The following SPTBN2 variants were observed in gnomAD, a reference collection of about 807,000 sequenced individuals.
SPTBN2 encodes spectrin beta, non-erythrocytic 2.
In SPTBN2, 107 loss-of-function variants were observed where a neutral mutation model predicts 284.2. The observed-to-expected ratio is 0.38, with a 90% CI of 0.32 to 0.44. The LOEUF (loss-of-function observed/expected upper bound fraction) is 0.44, where lower values mean the gene tolerates loss of function less well. Among genes scored for constraint, SPTBN2 ranks in the 20% least tolerant of loss-of-function variants. The probability of loss-of-function intolerance (pLI) is 1.00; values close to 1 mark genes in which losing one functional copy is unlikely to be tolerated. For missense variants in SPTBN2, 2,569 were observed against 3,287.1 expected (o/e 0.78, Z 5.34); for synonymous variants, 1,289 against 1,354.8 (o/e 0.95, Z 1.07).
chr11:66,705,534 C>A lies in SPTBN2; in HGVS notation c.1808-66G>T, dbSNP rs1020350796. 9 of 1,608,848 alleles carry A rather than the reference C, an allele frequency of 5.6e-6. No homozygotes were observed. In the South Asian group the frequency reaches 8.8e-5, roughly 16 times the overall value. ...CCTCCGGCTGCTCCCTGCCACCACACTCTCTTGGACTTCCCTCCCTGGCTT... is the reference window on the plus strand; with the variant it reads ...CCTCCGGCTGCTCCCTGCCACCACAATCTCTTGGACTTCCCTCCCTGGCTT... On this transcript the variant is annotated intron_variant, in intron 14 of 37. Transcript: ENST00000533211.
Position 66,708,240 on chromosome 11 carries a change from G to A in SPTBN2, c.1251C>T (p.Leu417=), listed in dbSNP as rs764726747. 2.7e-5 allele frequency: 43 copies of A among 1,610,718 alleles called. No homozygotes were observed. In the Admixed American group the frequency reaches 3.5e-4, roughly 13 times the overall value. ...HERELALRTE[L]IRQEKLEQLA... ...GCTGCTCCAGCTTCTCCTGGCGGAT[G>A]AGCTCGGTGCGCAGGGCCAGCTCAC... Residue 417 remains leucine (L), a synonymous_variant, in exon 12 of 38, where the codon CTC becomes CTT. Transcript: ENST00000533211. This position sits in a 1 kb window ranked among gnomAD's most constrained non-coding sequence, Gnocchi z 4.4.
At position 66,707,900 on chromosome 11, in the gene SPTBN2, C is replaced by T; in HGVS notation, c.1351-82G>A. 6.5e-7 allele frequency: 1 copy of T among 1,542,662 alleles called. No individual in the cohort carries two copies. Among genetic ancestry groups the T allele is most frequent in the East Asian group, 2.3e-5 (1 of 44,256 alleles). On this transcript the variant is annotated intron_variant, in intron 12 of 37. Coordinates refer to ENST00000533211, the MANE Select transcript of SPTBN2 (RefSeq NM_006946.4). This position sits in a 1 kb window ranked among gnomAD's most constrained non-coding sequence, Gnocchi z 4.9. ...CTCCTCTGTCCTGCAGGGCACTTGG[C>T]CTGCAAGATCCCAGCTCCATGCGGT...
chr11:66,722,245 G>T (rs1418133048), intron 1 of SPTBN2, among the ~76,000 whole-genome samples: 1 of 152,052 alleles, frequency 6.6e-6, no homozygotes, highest in African/African-American at 2.4e-5. Flanking sequence ...AGGGCCCACT[G>T]TTGTCCCCAT....
intron 3 of SPTBN2, 69 bp downstream of exon 3, chr11:66,721,015 G>T: frequency 6.2e-7 from 1 of 1,602,474 alleles, no homozygotes; most frequent in Non-Finnish European, 8.5e-7. Flanking sequence ...TAAAGTTAAA[G>T]GGCTCTTCAT....
At chr11:66,735,454 A>G (rs983972677) in intron 1 of SPTBN2, among the ~76,000 whole-genome samples, 1 of 152,126 alleles carries the variant, frequency 6.6e-6, no homozygotes, top group Non-Finnish European at 1.5e-5. Flanking sequence ...TCACGCCTGT[A>G]GCCCTAGCAC....
chr11:66,688,374 G>A (rs929693496), intron 31 of SPTBN2, 63 bp from the exon 32 acceptor site: 2 of 1,547,148 alleles, frequency 1.3e-6, no homozygotes, highest in Non-Finnish European at 8.7e-7. Flanking sequence ...GGGAAACAGG[G>A]AGAGCTGAAA....
intron 16 of SPTBN2, 74 bp from the exon 17 acceptor site, chr11:66,701,356 C>A: frequency 6.4e-7 from 1 of 1,572,460 alleles, no homozygotes. Context: ...GCTTCTCTCT[C>A]TCTTGGTAGC....
At chr11:66,734,904 A>AAGCAGCAGCAGC (rs547474699) in intron 1 of SPTBN2, among the ~76,000 whole-genome samples, 1 of 152,168 alleles carries the variant, frequency 6.6e-6, no homozygotes, top group East Asian at 1.9e-4. Flanking sequence ...TCCATCACTT[A>AAGCAGCAGCAGC]AGCAGCAGCA....
Position 66,704,869 on chromosome 11 carries a change from G to A in SPTBN2, c.2407C>T (p.Leu803=). ...GCTGCCTGTTCCCTCAAGGCGTCCA[G>A]GGTTGGCCGGTGGCTTCGAATCTCC... ...EEEIRSHRPT[L]DALREQAAAL... Residue 803 remains leucine, a synonymous_variant, in exon 15 of 38, where the codon CTG becomes TTG. Transcript: ENST00000533211. 6.2e-7 allele frequency: 1 copy of A among 1,610,592 alleles called. No individual in the cohort carries two copies. Among genetic ancestry groups the A allele is most frequent in the Non-Finnish European group, 8.5e-7 (1 of 1,179,878 alleles).
chr11:66,720,829 G>A (rs1942367675), intron 3 of SPTBN2, among the ~76,000 whole-genome samples: 1 of 152,148 alleles, frequency 6.6e-6, no homozygotes, highest in Non-Finnish European at 1.5e-5. Flanking sequence ...AGAGAGGGAA[G>A]CTGTTTTAGT....
At chr11:66,719,689 T>C (rs1942305281) in intron 3 of SPTBN2, among the ~76,000 whole-genome samples, 1 of 152,168 alleles carries the variant, frequency 6.6e-6, no homozygotes, top group African/African-American at 2.4e-5. Context: ...ATGTGTCCTA[T>C]GTACACAGGC....
In SPTBN2 at chr11:66,687,775, A is replaced by C; in HGVS notation, c.6501+93T>G. On this transcript the variant is annotated intron_variant, in intron 34 of 37. Coordinates refer to ENST00000533211, the MANE Select transcript of SPTBN2 (RefSeq NM_006946.4). This position sits in a 1 kb window ranked among gnomAD's most constrained non-coding sequence, Gnocchi z 5.2. Reference sequence around the variant, plus strand: ...TGCCTGTGAGCCTCTGCCCTCTCCCATCCCATCCCCAGTACTCCCCCACCC... The same window carrying C: ...TGCCTGTGAGCCTCTGCCCTCTCCCCTCCCATCCCCAGTACTCCCCCACCC... 6.3e-7 allele frequency: 1 copy of C among 1,589,374 alleles called. No individual in the cohort carries two copies. The highest frequency in any genetic ancestry group is 8.6e-7 in the Non-Finnish European group (1 of 1,158,412).
chr11:66,716,712 G>A (rs1942168360), intron 3 of SPTBN2, among the ~76,000 whole-genome samples: 2 of 152,158 alleles, frequency 1.3e-5, no homozygotes, highest in South Asian at 4.1e-4. Context: ...AATGAGATAA[G>A]GTATATAAAA....
chr11:66,693,915 G>A lies in SPTBN2; in HGVS notation c.4504-54C>T, dbSNP rs894964328. ...GCCCAGAGGGCAAGGCAAGCAGCAGGGACTGATTAGTGGGAGTGGGGACAC... is the reference window on the plus strand; with the variant it reads ...GCCCAGAGGGCAAGGCAAGCAGCAGAGACTGATTAGTGGGAGTGGGGACAC... On this transcript the variant is annotated intron_variant, in intron 22 of 37. Transcript: ENST00000533211. The surrounding 1 kb of genome is among the most constrained non-coding windows in gnomAD (Gnocchi z 5.7). The A allele has an allele frequency of 5.8e-6, 9 of 1,553,342 alleles. No homozygotes were observed. The African/African-American group carries it at 1.2e-4, about 21-fold the overall frequency.
chr11:66,721,522 G>C (rs889101587), intron 1 of SPTBN2, 82 bp from the exon 2 acceptor site: 6 of 493,350 alleles, frequency 1.2e-5, no homozygotes, highest in South Asian at 2.0e-5. Context: ...GGTCAGGAAA[G>C]GCTCCAACGA....
At position 66,701,635 on chromosome 11, in the gene SPTBN2, T is replaced by C; in HGVS notation, c.2765A>G (p.Asn922Ser). The change falls in exon 16 of 38, where the codon AAC (asparagine) becomes AGC (serine). Residue 922 changes from asparagine to serine, a missense_variant. Coordinates refer to ENST00000533211, the MANE Select transcript of SPTBN2 (RefSeq NM_006946.4). ...GACAATGCGGTCTTTGCCTGGGGGGTTGGCCTTCAGTAACTGCTCGGCAAT... is the reference window on the plus strand; with the variant it reads ...GACAATGCGGTCTTTGCCTGGGGGGCTGGCCTTCAGTAACTGCTCGGCAAT... ...NDIAEQLLKA[N>S]PPGKDRIVNT... 1.9e-6 allele frequency: 3 copies of C among 1,613,928 alleles called. No individual in the cohort carries two copies. Among genetic ancestry groups the C allele is most frequent in the Non-Finnish European group, 2.5e-6 (3 of 1,180,000 alleles).
chr11:66,729,414 G>T (rs762068809), upstream of SPTBN2, among the ~76,000 whole-genome samples: 4 of 152,112 alleles, frequency 2.6e-5, no homozygotes, highest in Non-Finnish European at 4.4e-5. Context: ...CCCTGAAGAT[G>T]AGGGCCCGTT....
chr11:66,739,601 G>A (rs1942880363), intron 1 of SPTBN2, among the ~76,000 whole-genome samples: 1 of 152,142 alleles, frequency 6.6e-6, no homozygotes, highest in Non-Finnish European at 1.5e-5. Context: ...TGGATCAATA[G>A]GTTTACTTGA....
rs1940919542 is a variant in SPTBN2 at position 66,696,498 on chromosome 11, G to C, written c.4057C>G (p.Leu1353Val). The change falls in exon 21 of 38, where the codon CTG (leucine) becomes GTG (valine). Residue 1353 changes from leucine (L) to valine (V), a missense_variant. Physicochemically the swap from Leu to Val is conservative, Grantham distance 32 (BLOSUM62 1). Transcript: ENST00000533211. ...AGGTCTCTCAGCTTCTCCGACACCA[G>C]GGCTTTCAGCTCTGGCTTCTCAAGG... ...LTLEKPELKA[L>V]VSEKLRDLHR... 1 of 1,612,152 alleles carries C rather than the reference G, an allele frequency of 6.2e-7. No homozygotes were observed. The highest frequency in any genetic ancestry group is 8.5e-7 in the Non-Finnish European group (1 of 1,180,028).
Sources: allele counts gnomAD v4.1 joint callset (sites outside exome capture counted in the v4.1 genomes callset), GRCh38; gene constraint gnomAD v4.1.1; non-coding constraint Gnocchi (gnomAD v3.1); transcripts MANE v1.5; gene names NCBI Gene and HGNC (gene_info 2026-07-23, HGNC 2026-07-21).